Variants in SNRNP70 observed in about 807,000 individuals in gnomAD.
SNRNP70 encodes the protein U1 small nuclear ribonucleoprotein 70 kDa.
Under a neutral mutation model 50.5 loss-of-function variants are expected in SNRNP70, and 8 were observed. The ratio of observed to expected loss-of-function variants is 0.16; its 90% CI spans 0.09 to 0.29. The LOEUF (loss-of-function observed/expected upper bound fraction) is 0.29, where lower values mean the gene tolerates loss of function less well. SNRNP70 is among the 10% of genes least tolerant of loss of function. The probability of loss-of-function intolerance (pLI) is 1.00; values close to 1 mark genes in which losing one functional copy is unlikely to be tolerated. For synonymous variants in SNRNP70, 320 were observed against 252.9 expected (o/e 1.27, Z -2.52); for missense variants, 529 against 663.5 (o/e 0.80, Z 2.23).
chr19:49,098,355 C>T, intron 4 of SNRNP70, 72 bp from the exon 5 acceptor site: 2 of 1,237,632 alleles, frequency 1.6e-6, no homozygotes, highest in Non-Finnish European at 2.3e-6. Flanking sequence ...TTGGCCTCTG[C>T]CCATCGTATT....
intron 6 of SNRNP70, among the ~76,000 whole-genome samples, chr19:49,100,869 C>G (rs1375664958): frequency 1.3e-5 from 2 of 151,890 alleles, no homozygotes; most frequent in Non-Finnish European, 2.9e-5. Flanking sequence ...TCCTGTTTCC[C>G]TAATTCCATT....
In SNRNP70 at chr19:49,108,176, T is replaced by A. The variant is rs1171175115; in HGVS notation, c.1047T>A (p.Asp349Glu). Residue 349 changes from aspartate (D) to glutamate (E), a missense_variant, in exon 10 of 10, where the codon GAT becomes GAA. Coordinates refer to ENST00000598441, the MANE Select transcript of SNRNP70 (RefSeq NM_003089.6). ...GPDGPEEKGR[D>E]RDRERRRSHR... Reference sequence around the variant, plus strand: ...ACGGTCCAGAGGAAAAGGGCCGGGATCGTGACCGGGAGCGACGGCGGAGCC... The same window carrying A: ...ACGGTCCAGAGGAAAAGGGCCGGGAACGTGACCGGGAGCGACGGCGGAGCC... The A allele has an allele frequency of 2.6e-6, 4 of 1,538,202 alleles. No homozygotes were observed. In the East Asian group the frequency reaches 9.7e-5, roughly 37 times the overall value.
At chr19:49,092,628 C>T (rs1347635081) in intron 4 of SNRNP70, among the ~76,000 whole-genome samples, 1 of 151,834 alleles carries the variant, frequency 6.6e-6, no homozygotes, top group Non-Finnish European at 1.5e-5. Flanking sequence ...AGGCTGGCCT[C>T]GAACTCCTGA....
At chr19:49,089,181 C>G (rs763946137) in intron 2 of SNRNP70, among the ~76,000 whole-genome samples, 33 of 152,156 alleles carry the variant, frequency 2.2e-4, no homozygotes, top group Non-Finnish European at 3.1e-4. Context: ...AAAGAAAGAT[C>G]TACAGTCAGG....
chr19:49,094,477 T>C (rs1197293770), intron 4 of SNRNP70, among the ~76,000 whole-genome samples: 1 of 151,994 alleles, frequency 6.6e-6, no homozygotes, highest in African/African-American at 2.4e-5. Context: ...CCAGCCGGGG[T>C]GACAGAGCAA....
rs566658312 is a variant in SNRNP70, at chr19:49,093,190, G to A, written c.265+2670G>A. On this transcript the variant is annotated intron_variant, in intron 4 of 9. Transcript: ENST00000598441. ...GGGTCACTGCAACCTCTGCCTCCCCGGTTCAAGCGATTTCCCTGCCTCCTG... is the reference window on the plus strand; with the variant it reads ...GGGTCACTGCAACCTCTGCCTCCCCAGTTCAAGCGATTTCCCTGCCTCCTG... 2.2e-4 allele frequency among the ~76,000 whole-genome samples: 33 copies of A among 152,076 alleles called. No homozygotes were observed. The South Asian group carries it at 2.5e-3, about 11-fold the overall frequency.
chr19:49,096,749 A>G (rs2040518878), intron 4 of SNRNP70, among the ~76,000 whole-genome samples: 1 of 151,998 alleles, frequency 6.6e-6, no homozygotes, highest in Admixed American at 6.6e-5. Flanking sequence ...GACCTTGGGC[A>G]ACAAGAGTGA....
At chr19:49,095,216 G>C (rs1192459264) in intron 4 of SNRNP70, among the ~76,000 whole-genome samples, 1 of 152,248 alleles carries the variant, frequency 6.6e-6, no homozygotes, top group Middle Eastern at 3.2e-3. Flanking sequence ...AGTGTGCTGG[G>C]GTGGTTTCCC....
chr19:49,108,474 G>A lies in SNRNP70; in HGVS notation c.*31G>A. ...TCGTCCTCTCCATCTGCTGTGTTTG[G>A]ACGCGTTCCTGCCCAGCCCCTTGCT... On this transcript the variant is annotated 3_prime_UTR_variant, in exon 10 of 10. Transcript: ENST00000598441. 1.3e-6 allele frequency: 2 copies of A among 1,561,630 alleles called. No individual in the cohort carries two copies. Among genetic ancestry groups the A allele is most frequent in the Non-Finnish European group, 8.7e-7 (1 of 1,154,476 alleles).
At chr19:49,088,280 G>A (rs1450817416) in intron 2 of SNRNP70, among the ~76,000 whole-genome samples, 11 of 138,484 alleles carry the variant, frequency 7.9e-5, no homozygotes, top group African/African-American at 3.0e-4. Flanking sequence ...TCGGCTCACT[G>A]CAAGCTCCGC....
chr19:49,107,810 G>C lies in SNRNP70; in HGVS notation c.681G>C (p.Pro227=), dbSNP rs1202914664. The C allele has an allele frequency of 1.2e-6, 2 of 1,600,502 alleles. No homozygotes were observed. Among genetic ancestry groups the C allele is most frequent in the African/African-American group, 1.3e-5 (1 of 74,648 alleles). ...SRYDERPGPS[P]LPHRDRDRDR... Reference sequence around the variant, plus strand: ...CCTCATCCAGGCCCGGCCCCTCCCCGCTTCCGCACAGGGACCGGGACCGGG... The same window carrying C: ...CCTCATCCAGGCCCGGCCCCTCCCCCCTTCCGCACAGGGACCGGGACCGGG... Residue 227 remains proline, a synonymous_variant, in exon 10 of 10, where the codon CCG becomes CCC. Transcript: ENST00000598441. The surrounding 1 kb of genome is among the most constrained non-coding windows in gnomAD (Gnocchi z 6.0).
chr19:49,095,453 A>G (rs894802469), intron 4 of SNRNP70, among the ~76,000 whole-genome samples: 5 of 150,966 alleles, frequency 3.3e-5, no homozygotes, highest in South Asian at 2.1e-4. Flanking sequence ...ACCCGTTTCT[A>G]TTCTCTGTCG....
chr19:49,097,336 C>A (rs2040525889), intron 4 of SNRNP70, among the ~76,000 whole-genome samples: 1 of 152,056 alleles, frequency 6.6e-6, no homozygotes, highest in African/African-American at 2.4e-5. Flanking sequence ...CTTCCATTTG[C>A]AAAATAGTAA....
intron 7 of SNRNP70, chr19:49,102,136 C>T: frequency 7.8e-7 from 1 of 1,289,284 alleles, no homozygotes; most frequent in Non-Finnish European, 1.0e-6. Context: ...TGGCTTGCAG[C>T]TGATGCTTAC....
In SNRNP70 at chr19:49,104,420, G is replaced by GGGCGCTGAGAGGAAGCA. The variant is rs1237104456; in HGVS notation, c.476-212_476-196dup. 1 of 539,824 alleles carries GGGCGCTGAGAGGAAGCA rather than the reference G, an allele frequency of 1.9e-6. No homozygotes were observed. The highest frequency in any genetic ancestry group is 3.3e-6 in the Non-Finnish European group (1 of 300,428). The allele number at this position is 539,824 out of a possible 1,614,324, so 33.4% of individuals were successfully genotyped here. A position where few individuals can be genotyped will look rare whatever the true frequency, so the allele number is the denominator to read the frequency against. Reference sequence around the variant, plus strand: ...CGTCTCCCCCGACCAGGAGTGGTTGGGGCGCTGAGAGGAAGCAGACGCTGA... The same window carrying GGGCGCTGAGAGGAAGCA: ...CGTCTCCCCCGACCAGGAGTGGTTGGGGCGCTGAGAGGAAGCAGGCGCTGAGAGGAAGCAGACGCTGA... On this transcript the variant is annotated intron_variant, in intron 7 of 9. Coordinates refer to ENST00000598441, the MANE Select transcript of SNRNP70 (RefSeq NM_003089.6). The surrounding 1 kb of genome is among the most constrained non-coding windows in gnomAD (Gnocchi z 5.4).
intron 4 of SNRNP70, among the ~76,000 whole-genome samples, chr19:49,097,739 AGGAGATTCCTGGCTCTTTTCTTT>A (rs2040531063): frequency 6.6e-6 from 1 of 152,214 alleles, no homozygotes; most frequent in Non-Finnish European, 1.5e-5. Flanking sequence ...TTGGTTTCTT[AGGAGATTCCTGGCTCTTTTCTTT>A]GGAGATTGTT....
rs2040703498 is a variant in SNRNP70 at position 49,108,137 on chromosome 19, G to C, written c.1008G>C (p.Gly336=). 1 of 1,544,494 alleles carries C rather than the reference G, an allele frequency of 6.5e-7. No individual in the cohort carries two copies. Among genetic ancestry groups the C allele is most frequent in the South Asian group, 1.2e-5 (1 of 82,802 alleles). ...PPDDGPPGEL[G]PDGPDGPEEK... ...ATGATGGGCCTCCAGGGGAGCTCGG[G>C]CCTGACGGCCCTGACGGTCCAGAGG... The change falls in exon 10 of 10, where the codon GGG becomes GGC. Residue 336 remains glycine, a synonymous_variant. Transcript: ENST00000598441.
chr19:49,092,211 T>C (rs889171248), intron 4 of SNRNP70, among the ~76,000 whole-genome samples: 16 of 152,176 alleles, frequency 1.1e-4, no homozygotes, highest in Admixed American at 4.6e-4. Context: ...CAGGTTCAAG[T>C]GATTCTCCTG....
chr19:49,104,716 C>A lies in SNRNP70; in HGVS notation c.558C>A (p.Gly186=). 6.4e-7 allele frequency: 1 copy of A among 1,552,328 alleles called. No individual in the cohort carries two copies. Among genetic ancestry groups the A allele is most frequent in the Middle Eastern group, 1.7e-4 (1 of 5,870 alleles). The change falls in exon 8 of 10, where the codon GGC becomes GGA. Residue 186 remains glycine (G), a synonymous_variant. Coordinates refer to ENST00000598441, the MANE Select transcript of SNRNP70 (RefSeq NM_003089.6). This position sits in a 1 kb window ranked among gnomAD's most constrained non-coding sequence, Gnocchi z 5.4. ...VDVERGRTVK[G]WRPRRLGGGL... ...TGGAGAGGGGCCGAACCGTGAAGGG[C>A]TGGAGGCCCCGGCGGCTAGGTGAGC...
Sources: gnomAD v4.1 joint callset for allele counts (sites outside exome capture counted in the v4.1 genomes callset) on GRCh38, gnomAD v4.1.1 for gene constraint, Gnocchi (gnomAD v3.1) non-coding constraint, MANE v1.5 for transcripts, NCBI Gene and HGNC (gene_info 2026-07-23, HGNC 2026-07-21) for gene names.